Variants in PTK2B observed in about 807,000 individuals in gnomAD.
PTK2B encodes the protein protein-tyrosine kinase 2-beta.
A neutral mutation model predicts 142.9 loss-of-function variants in PTK2B; 71 were observed. That is an observed-to-expected ratio of 0.50 (90% confidence interval 0.41 to 0.61). The LOEUF is 0.61. PTK2B is among the 20% of genes least tolerant of loss of function. PTK2B has a pLI of 0.00. For synonymous variants in PTK2B, 519 were observed against 503.4 expected (o/e 1.03, Z -0.42); for missense variants, 1,105 against 1,320.4 (o/e 0.84, Z 2.53).
intron 1 of PTK2B, among the ~76,000 whole-genome samples, chr8:27,336,010 T>G (rs1278681238): frequency 6.6e-6 from 1 of 152,100 alleles, no homozygotes; most frequent in Non-Finnish European, 1.5e-5. Flanking sequence ...TCTTTCCGGG[T>G]CTCAGGCTCG....
chr8:27,451,577 C>T (rs1231079941), intron 27 of PTK2B, 68 bp downstream of exon 27: 1 of 1,611,888 alleles, frequency 6.2e-7, no homozygotes, highest in Admixed American at 1.7e-5. Flanking sequence ...CATCCTTGCC[C>T]ACCGCCCAGG....
rs1257393781 is a variant in PTK2B at position 27,342,412 on chromosome 8, G to A, written c.-38+16731G>A. Among the ~76,000 whole-genome samples, 3 of 151,762 alleles carry A rather than the reference G, an allele frequency of 2.0e-5. 1 individual carries two copies. The highest frequency in any genetic ancestry group is 4.4e-5 in the Non-Finnish European group (3 of 67,946). ...AATGATCCTCTCACCTCAGCCTCCC[G>A]AGAAGCCACTGAGCCCAGCCTGCTT... On this transcript the variant is annotated intron_variant, in intron 1 of 30. Transcript: ENST00000346049.
At chr8:27,349,041 A>C (rs559089228) in intron 1 of PTK2B, among the ~76,000 whole-genome samples, 1 of 152,206 alleles carries the variant, frequency 6.6e-6, no homozygotes, top group East Asian at 1.9e-4. Flanking sequence ...GTTCCTATGC[A>C]TCCCAGCCTC....
intron 3 of PTK2B, among the ~76,000 whole-genome samples, chr8:27,318,451 A>G (rs988701610): frequency 6.6e-6 from 1 of 152,176 alleles, no homozygotes; most frequent in Non-Finnish European, 1.5e-5. Flanking sequence ...CCAAAGTCAT[A>G]GAGCTGATTC....
At chr8:27,392,200 T>C (rs1432204140) in intron 1 of PTK2B, among the ~76,000 whole-genome samples, 1 of 152,196 alleles carries the variant, frequency 6.6e-6, no homozygotes, top group Admixed American at 6.5e-5. Flanking sequence ...CAGCAGATTG[T>C]TCTCATCTCT....
intron 22 of PTK2B, among the ~76,000 whole-genome samples, chr8:27,443,287 G>A (rs1427701169): frequency 6.6e-6 from 1 of 152,214 alleles, no homozygotes; most frequent in East Asian, 1.9e-4. Context: ...GGACACATGG[G>A]TGGGAAGTAT....
chr8:27,451,516 G>C lies in PTK2B; in HGVS notation c.2548+7G>C. 6.2e-7 allele frequency: 1 copy of C among 1,614,174 alleles called. No individual in the cohort carries two copies. Reference sequence around the variant, plus strand: ...GAGAAGGAGGTCGGCTACCGTGAGTGTTCCCGCCCTTCTTCGGGGGGTTTC... The same window carrying C: ...GAGAAGGAGGTCGGCTACCGTGAGTCTTCCCGCCCTTCTTCGGGGGGTTTC... On this transcript the variant is annotated splice_region_variant and intron_variant, in intron 27 of 30. Transcript: ENST00000346049.
intron 13 of PTK2B, 57 bp from the exon 14 acceptor site, chr8:27,435,686 T>C: frequency 1.3e-6 from 2 of 1,594,040 alleles, no homozygotes; most frequent in Non-Finnish European, 1.7e-6. Context: ...ACCTGATTCC[T>C]GGCGGTGCCC....
chr8:27,325,850 C>G (rs1563459375), intron 1 of PTK2B, among the ~76,000 whole-genome samples, 169 bp downstream of exon 1: 1 of 152,188 alleles, frequency 6.6e-6, no homozygotes, highest in Admixed American at 6.5e-5. Context: ...TGTGCACATG[C>G]CCGGAGCTCG....
chr8:27,457,445 G>A (rs770325413), intron 30 of PTK2B, among the ~76,000 whole-genome samples: 31 of 152,224 alleles, frequency 2.0e-4, no homozygotes, highest in Non-Finnish European at 4.1e-4. Flanking sequence ...GGATCAAGGA[G>A]TAATTTCTAC....
At chr8:27,402,236 T>C (rs1267319884) in intron 2 of PTK2B, among the ~76,000 whole-genome samples, 2 of 151,652 alleles carry the variant, frequency 1.3e-5, no homozygotes, top group Non-Finnish European at 2.9e-5. Context: ...GATTCACGAA[T>C]GAGGAAGAGG....
chr8:27,440,869 C>T (rs1811118373), intron 21 of PTK2B, among the ~76,000 whole-genome samples: 1 of 152,172 alleles, frequency 6.6e-6, no homozygotes, highest in Non-Finnish European at 1.5e-5. Flanking sequence ...GACCCAGGGG[C>T]CACCTCTCCC....
intron 2 of PTK2B, among the ~76,000 whole-genome samples, chr8:27,413,072 T>C (rs1404407101): frequency 6.8e-6 from 1 of 146,842 alleles, no homozygotes; most frequent in East Asian, 1.9e-4. Flanking sequence ...GACTCCCATA[T>C]AGCTTTCTCC....
rs559338851 is a variant in PTK2B, at chr8:27,375,422, C to T, written c.-37-22126C>T. On this transcript the variant is annotated intron_variant, in intron 1 of 30. Coordinates refer to ENST00000346049, the MANE Select transcript of PTK2B (RefSeq NM_173176.3). Reference sequence around the variant, plus strand: ...AGTTTTCCTCTCTGGTATCACCCTTCCCAGTGGTCATCCAGTCATTTCCAA... The same window carrying T: ...AGTTTTCCTCTCTGGTATCACCCTTTCCAGTGGTCATCCAGTCATTTCCAA... 2.0e-5 allele frequency among the ~76,000 whole-genome samples: 3 copies of T among 152,314 alleles called. No homozygotes were observed. In the South Asian group the frequency reaches 6.2e-4, roughly 32 times the overall value.
intron 1 of PTK2B, among the ~76,000 whole-genome samples, chr8:27,329,922 A>G (rs574858675): frequency 3.3e-5 from 5 of 152,192 alleles, no homozygotes; most frequent in East Asian, 3.9e-4. Context: ...GATAGTGTAC[A>G]TTAGAGAGAT....
At chr8:27,390,835 A>T (rs1010172352) in intron 1 of PTK2B, among the ~76,000 whole-genome samples, 2 of 152,112 alleles carry the variant, frequency 1.3e-5, no homozygotes, top group Admixed American at 1.3e-4. Context: ...TCATGCCCCA[A>T]TGGAGGAAAC....
At chr8:27,439,709 A>G (rs1169778644) in intron 20 of PTK2B, among the ~76,000 whole-genome samples, 1 of 152,222 alleles carries the variant, frequency 6.6e-6, no homozygotes, top group Non-Finnish European at 1.5e-5. Context: ...AGAGAGGTAC[A>G]GGAAGGAGAG....
At chr8:27,364,053 A>G (rs908948418) in intron 1 of PTK2B, among the ~76,000 whole-genome samples, 7 of 152,218 alleles carry the variant, frequency 4.6e-5, no homozygotes, top group African/African-American at 1.7e-4. Context: ...CCTGGCAAGG[A>G]GTCCTCACAA....
intron 1 of PTK2B, among the ~76,000 whole-genome samples, chr8:27,387,534 G>T (rs775906902): frequency 6.6e-6 from 1 of 152,164 alleles, no homozygotes; most frequent in Non-Finnish European, 1.5e-5. Context: ...GGTTTTAGGG[G>T]TCTGCACCAT....
Sources: allele counts gnomAD v4.1 joint callset (sites outside exome capture counted in the v4.1 genomes callset), GRCh38; gene constraint gnomAD v4.1.1; transcripts MANE v1.5; gene names NCBI Gene and HGNC (gene_info 2026-07-23, HGNC 2026-07-21).